Variants in SCNN1D observed in about 807,000 individuals in gnomAD.
SCNN1D encodes the protein sodium channel epithelial 1 subunit delta.
Under a neutral mutation model 87.8 loss-of-function variants are expected in SCNN1D, and 104 were observed. The observed-to-expected ratio is 1.18, with a 90% CI of 1.01 to 1.39. The LOEUF is 1.39. Among genes scored for constraint, SCNN1D ranks in the 40% most tolerant of loss-of-function variants. The pLI, the probability that SCNN1D is intolerant of heterozygous loss-of-function variation, is 0.00. For missense variants in SCNN1D, 1,324 were observed against 1,093.9 expected (o/e 1.21, Z -2.97); for synonymous variants, 628 against 481.2 (o/e 1.31, Z -3.99).
rs774204052 is a variant in SCNN1D, at chr1:1,286,886, C to T, written c.1030C>T (p.Arg344Cys). The T allele has an allele frequency of 3.6e-5, 58 of 1,612,450 alleles. No homozygotes were observed. The highest frequency in any genetic ancestry group is 4.2e-5 in the Non-Finnish European group (50 of 1,179,898). Residue 344 changes from arginine (R) to cysteine (C), a missense_variant, in exon 8 of 18, where the codon CGC becomes TGC. By Grantham distance (180) the Arg-to-Cys change is radical. Coordinates refer to ENST00000379116, the MANE Select transcript of SCNN1D (RefSeq NM_001130413.4). ...GRAALSATVPRHEPPFHLDRE... is the reference protein window; with the variant it reads ...GRAALSATVPCHEPPFHLDRE... The stretch of plus-strand genomic sequence containing the variant: ...AGCCGCCCTCTCCGCCACTGTCCCC[C>T]GCCACGAGCCCCCCTTCCACCTGGA...
chr1:1,281,662 TGGA>T lies in SCNN1D; in HGVS notation c.277+54_277+56del, dbSNP rs941711489. The T allele has an allele frequency of 8.8e-6, 13 of 1,484,676 alleles. No homozygotes were observed. The African/African-American group carries it at 1.7e-4, about 19-fold the overall frequency. The allele number at this position is 1,484,676 out of a possible 1,614,324, so 92.0% of individuals were successfully genotyped here. ...CTTGCCCGGGAGGAGGGGAGGGGGG[TGGA>T]GCCGGGAGCTGCGTGATCCAGCCGA... On this transcript the variant is annotated intron_variant, in intron 3 of 17. Transcript: ENST00000379116.
chr1:1,290,971 C>T lies in SCNN1D; in HGVS notation c.1976+18C>T, dbSNP rs371606474. ...AGACAGAGGTGGGTGCACCCTCCCC[C>T]TCCAGAGAGGCATCACAGCCCCTCT... On this transcript the variant is annotated intron_variant, in intron 16 of 17. Transcript: ENST00000379116. The T allele has an allele frequency of 1.9e-6, 3 of 1,600,940 alleles. No individual in the cohort carries two copies. The highest frequency in any genetic ancestry group is 1.7e-6 in the Non-Finnish European group (2 of 1,174,280).
chr1:1,280,550 A>G lies in SCNN1D; in HGVS notation c.-112A>G. 1 of 662,368 alleles carries G rather than the reference A, an allele frequency of 1.5e-6. No individual in the cohort carries two copies. Among genetic ancestry groups the G allele is most frequent in the South Asian group, 1.6e-5 (1 of 64,506 alleles). 41.0% of individuals were successfully genotyped at this position (662,368 alleles called of 1,614,324 possible). ...TGTGCAGATGAAGGTCTTATCGCAG[A>G]TGAAGCCACCAGGTCACAAGCCTCA... On this transcript the variant is annotated 5_prime_UTR_variant, in exon 1 of 18. An upstream start codon of the reference 5' UTR is lost. Transcript: ENST00000379116.
At position 1,287,972 on chromosome 1, in the gene SCNN1D, C is replaced by T. The variant is rs1462479613; in HGVS notation, c.1597C>T (p.His533Tyr). 2 of 1,547,128 alleles carry T rather than the reference C, an allele frequency of 1.3e-6. No homozygotes were observed. The highest frequency in any genetic ancestry group is 1.7e-6 in the Non-Finnish European group (2 of 1,145,374). Reference sequence around the variant, plus strand: ...GCACCGGCTCGGGAGCCCCTACGGCCACTGCACCGCCGGCGGGGAAGGCGT... The same window carrying T: ...GCACCGGCTCGGGAGCCCCTACGGCTACTGCACCGCCGGCGGGGAAGGCGT... ...EVHRLGSPYG[H>Y]CTAGGEGVEV... Residue 533 changes from histidine to tyrosine, a missense_variant, in exon 12 of 18, where the codon CAC becomes TAC. Coordinates refer to ENST00000379116, the MANE Select transcript of SCNN1D (RefSeq NM_001130413.4).
At position 1,290,887 on chromosome 1, in the gene SCNN1D, G is replaced by A. The variant is rs13306640; in HGVS notation, c.1918-8G>A. On this transcript the variant is annotated splice_region_variant and splice_polypyrimidine_tract_variant and intron_variant, in intron 15 of 17. Coordinates refer to ENST00000379116, the MANE Select transcript of SCNN1D (RefSeq NM_001130413.4). ...GAGCCGTGGCCACAGCAAACCTTCC[G>A]TCTGCAGGGATGGACTCTGGCCACG... 6.5e-3 allele frequency: 10,449 copies of A among 1,609,728 alleles called. 461 individuals are homozygous for A. In the African/African-American group the frequency reaches 0.11, roughly 17 times the overall value.
In SCNN1D at chr1:1,286,087, C is replaced by T. The variant is rs1640583226; in HGVS notation, c.720C>T (p.Val240=). 1 of 1,607,672 alleles carries T rather than the reference C, an allele frequency of 6.2e-7. No individual in the cohort carries two copies. The highest frequency in any genetic ancestry group is 1.7e-5 in the Admixed American group (1 of 59,338). Residue 240 remains valine, a synonymous_variant, in exon 7 of 18, where the codon GTC becomes GTT. Transcript: ENST00000379116. ...NATIHGAIRL[V]CSRGNRLKTT... is the part of the protein sequence containing the mutation. The stretch of plus-strand genomic sequence containing the variant: ...CCATCCACGGCGCCATCCGCCTGGT[C>T]TGCTCCCGCGGGAACCGCCTCAAGA...
intron 12 of SCNN1D, 95 bp from the exon 13 acceptor site, chr1:1,290,176 G>C: frequency 1.4e-6 from 1 of 702,260 alleles, no homozygotes; most frequent in Non-Finnish European, 2.2e-6. Context: ...CCGTGTCCCT[G>C]CTCCGTCCCG....
chr1:1,280,789 T>G, intron 1 of SCNN1D, 123 bp downstream of exon 1: 4 of 648,756 alleles, frequency 6.2e-6, no homozygotes, highest in Non-Finnish European at 1.1e-5. Flanking sequence ...TTTTGGTTTA[T>G]GAGGGAACCT....
At position 1,287,975 on chromosome 1, in the gene SCNN1D, T is replaced by C; in HGVS notation, c.1600T>C (p.Cys534Arg). 1 of 1,547,000 alleles carries C rather than the reference T, an allele frequency of 6.5e-7. No homozygotes were observed. The highest frequency in any genetic ancestry group is 8.7e-7 in the Non-Finnish European group (1 of 1,145,436). The part of the protein sequence containing the change: ...VHRLGSPYGH[C>R]TAGGEGVEVE... ...CCGGCTCGGGAGCCCCTACGGCCAC[T>C]GCACCGCCGGCGGGGAAGGCGTGGA... Residue 534 changes from cysteine (C) to arginine (R), a missense_variant, in exon 12 of 18, where the codon TGC becomes CGC. By Grantham distance (180) the Cys-to-Arg change is radical. Transcript: ENST00000379116.
chr1:1,288,003 T>G lies in SCNN1D; in HGVS notation c.1628T>G (p.Val543Gly), dbSNP rs974156832. 1 of 1,533,412 alleles carries G rather than the reference T, an allele frequency of 6.5e-7. No individual in the cohort carries two copies. Among genetic ancestry groups the G allele is most frequent in the Non-Finnish European group, 8.8e-7 (1 of 1,140,248 alleles). The allele number at this position is 1,533,412 out of a possible 1,614,324, so 95.0% of individuals were successfully genotyped here. Residue 543 changes from valine to glycine, a missense_variant, in exon 12 of 18, where the codon GTG becomes GGG. Transcript: ENST00000379116. ...HCTAGGEGVEVELLHNTSYTR... is the reference protein window; with the variant it reads ...HCTAGGEGVEGELLHNTSYTR... Reference sequence around the variant, plus strand: ...ACCGCCGGCGGGGAAGGCGTGGAGGTGGAGCTGCTACACAACACCTCCTAC... The same window carrying G: ...ACCGCCGGCGGGGAAGGCGTGGAGGGGGAGCTGCTACACAACACCTCCTAC...
At chr1:1,283,527 C>T (rs1262261146) in intron 4 of SCNN1D, among the ~76,000 whole-genome samples, 1 of 152,058 alleles carries the variant, frequency 6.6e-6, no homozygotes, top group Non-Finnish European at 1.5e-5. Flanking sequence ...GGAGAAACCC[C>T]ATCTCTACTA....
chr1:1,281,328 G>A (rs1640466138), intron 2 of SCNN1D, 31 bp downstream of exon 2: 5 of 1,535,434 alleles, frequency 3.3e-6, no homozygotes, highest in Non-Finnish European at 3.5e-6. Context: ...GGTCAATGGG[G>A]CCTGGCCGTC....
intron 16 of SCNN1D, 47 bp from the exon 17 acceptor site, chr1:1,291,018 A>G: frequency 7.0e-7 from 1 of 1,434,916 alleles, no homozygotes; most frequent in Non-Finnish European, 9.5e-7. Flanking sequence ...CCCCCTCCCC[A>G]TCATGAAGGT....
chr1:1,288,390 TCCCTGCTCCGTCCCGTGTCC>T lies in SCNN1D; in HGVS notation c.1662+355_1662+374del, dbSNP rs1231690320. ...TCCCGTGTCCCTGCTCCGTCCCGTG[TCCCTGCTCCGTCCCGTGTCC>T]CTGCTCCGTCCCGTGTCCCTGCTCC... is the stretch of plus-strand genomic sequence containing the variant. On this transcript the variant is annotated intron_variant, in intron 12 of 17. Coordinates refer to ENST00000379116, the MANE Select transcript of SCNN1D (RefSeq NM_001130413.4). Among the ~76,000 whole-genome samples the T allele has an allele frequency of 1.1e-4, 4 of 35,964 alleles. 1 individual carries two copies. Among genetic ancestry groups the T allele is most frequent in the East Asian group, 3.5e-3 (1 of 284 alleles). 23.6% of individuals were successfully genotyped at this position (35,964 alleles called of 152,430 possible). A position where few individuals can be genotyped will look rare whatever the true frequency, so the allele number is the denominator to read the frequency against.
In SCNN1D at chr1:1,286,962, T is replaced by G. The variant is rs776330682; in HGVS notation, c.1106T>G (p.Val369Gly). 6 of 1,610,148 alleles carry G rather than the reference T, an allele frequency of 3.7e-6. No homozygotes were observed. The highest frequency in any genetic ancestry group is 8.5e-7 in the Non-Finnish European group (1 of 1,179,460). The change falls in exon 8 of 18, where the codon GTG (valine) becomes GGG (glycine). Residue 369 changes from valine (V) to glycine (G), a missense_variant. By Grantham distance (109) the Val-to-Gly change is moderately radical. Coordinates refer to ENST00000379116, the MANE Select transcript of SCNN1D (RefSeq NM_001130413.4). ...AGCCACTCGGGCAGCCGGGTCAGAG[T>G]GGGGTTCAGACTGGTGAGTGTCCCA... ...RLSHSGSRVR[V>G]GFRLCNSTGG...
At position 1,286,087 on chromosome 1, in the gene SCNN1D, C is replaced by G. The variant is rs1640583226; in HGVS notation, c.720C>G (p.Val240=). 7 of 1,607,672 alleles carry G rather than the reference C, an allele frequency of 4.4e-6. No homozygotes were observed. Among genetic ancestry groups the G allele is most frequent in the Non-Finnish European group, 5.9e-6 (7 of 1,177,876 alleles). The part of the protein sequence containing the change: ...NATIHGAIRL[V]CSRGNRLKTT... The stretch of plus-strand genomic sequence containing the variant: ...CCATCCACGGCGCCATCCGCCTGGT[C>G]TGCTCCCGCGGGAACCGCCTCAAGA... The change falls in exon 7 of 18, where the codon GTC becomes GTG. Residue 240 remains valine (V), a synonymous_variant. Coordinates refer to ENST00000379116, the MANE Select transcript of SCNN1D (RefSeq NM_001130413.4).
Position 1,287,702 on chromosome 1 carries a change from C to T in SCNN1D, c.1429C>T (p.Gln477Ter), listed in dbSNP as rs777810325. The change falls in exon 11 of 18, where the codon CAG becomes TAG. Residue 477 changes from glutamine (Q) to a stop codon, truncating the protein, a stop_gained. Transcript: ENST00000379116. LOFTEE classifies it high-confidence loss of function. Reference sequence around the variant, plus strand: ...CGGCCTGGTCCTCAGGGTTGAGCAGCAGCCTCACCTCCCTCTGCTGTCCAC... The same window carrying T: ...CGGCCTGGTCCTCAGGGTTGAGCAGTAGCCTCACCTCCCTCTGCTGTCCAC... Reference protein sequence around the residue: ...GVGLVLRVEQQPHLPLLSTLA... With the variant: ...GVGLVLRVEQ 2 of 1,610,950 alleles carry T rather than the reference C, an allele frequency of 1.2e-6. No homozygotes were observed. Among genetic ancestry groups the T allele is most frequent in the South Asian group, 2.2e-5 (2 of 90,868 alleles).
chr1:1,281,266 C>G lies in SCNN1D; in HGVS notation c.46C>G (p.Leu16Val). ...GAAGACAACACCGCTCCCTCGTTAC[C>G]TGTGGCCCGGCCACCTCAGCGGCCC... ...SQKTTPLPRY[L>V]WPGHLSGPRR... Residue 16 changes from leucine (L) to valine (V), a missense_variant, in exon 2 of 18, where the codon CTG becomes GTG. By Grantham distance (32) the Leu-to-Val change is conservative. Coordinates refer to ENST00000379116, the MANE Select transcript of SCNN1D (RefSeq NM_001130413.4). 6.5e-7 allele frequency: 1 copy of G among 1,535,818 alleles called. No homozygotes were observed. Among genetic ancestry groups the G allele is most frequent in the South Asian group, 1.2e-5 (1 of 84,062 alleles).
Position 1,291,701 on chromosome 1 carries a change from CAGCAGCCCAGGA to C in SCNN1D, c.*98_*109del, listed in dbSNP as rs1452835891. Reference sequence around the variant, plus strand: ...CCCAGCGGCCCAGGGTGGGCCAGACCAGCAGCCCAGGAAGCAGCACACGCGGCCGTGGGGAGG... The same window carrying C: ...CCCAGCGGCCCAGGGTGGGCCAGACCAGCAGCACACGCGGCCGTGGGGAGG... On this transcript the variant is annotated 3_prime_UTR_variant, in exon 18 of 18. Coordinates refer to ENST00000379116, the MANE Select transcript of SCNN1D (RefSeq NM_001130413.4). 22 of 985,572 alleles carry C rather than the reference CAGCAGCCCAGGA, an allele frequency of 2.2e-5. No homozygotes were observed. The highest frequency in any genetic ancestry group is 2.7e-5 in the Admixed American group (1 of 36,750). 61.1% of individuals were successfully genotyped at this position (985,572 alleles called of 1,614,324 possible).
Sources: gnomAD v4.1 joint callset for allele counts (sites outside exome capture counted in the v4.1 genomes callset) on GRCh38, gnomAD v4.1.1 for gene constraint, MANE v1.5 for transcripts, NCBI Gene and HGNC (gene_info 2026-07-23, HGNC 2026-07-21) for gene names.